Variants in CASC3 observed in about 807,000 individuals in gnomAD.
CASC3 encodes the protein CASC3 exon junction complex subunit.
A neutral mutation model predicts 80.5 loss-of-function variants in CASC3; 30 were observed. The observed-to-expected ratio is 0.37, with a 90% confidence interval of 0.28 to 0.51. The LOEUF is 0.51. Among genes scored for constraint, CASC3 ranks in the 20% least tolerant of loss-of-function variants. The probability of loss-of-function intolerance (pLI) is 0.94; values close to 1 mark genes in which losing one functional copy is unlikely to be tolerated. For synonymous variants in CASC3, 312 were observed against 333.6 expected (o/e 0.94, Z 0.70); for missense variants, 824 against 922.2 (o/e 0.89, Z 1.38).
chr17:40,165,219 G>A (rs1989419553), intron 7 of CASC3, among the ~76,000 whole-genome samples: 1 of 151,908 alleles, frequency 6.6e-6, no homozygotes, highest in South Asian at 2.1e-4. Context: ...CACCGTGCCT[G>A]GCCCACACCT....
chr17:40,163,769 T>G lies in CASC3; in HGVS notation c.1074T>G (p.Ser358=). 6.2e-7 allele frequency: 1 copy of G among 1,614,154 alleles called. No individual in the cohort carries two copies. The highest frequency in any genetic ancestry group is 1.3e-5 in the African/African-American group (1 of 75,046). The change falls in exon 7 of 14, where the codon TCT becomes TCG. Residue 358 remains serine, a synonymous_variant. Coordinates refer to ENST00000264645, the MANE Select transcript of CASC3 (RefSeq NM_007359.5). ...GGTCACGGCGCCTAGAGCAGACTTC[T>G]GTGAGGGATCCATCTCCAGAAGCAG... is the stretch of plus-strand genomic sequence containing the variant. ...SYRSRRLEQT[S]VRDPSPEADA... is the part of the protein sequence containing the mutation.
intron 3 of CASC3, among the ~76,000 whole-genome samples, chr17:40,143,993 T>C (rs530621098): frequency 6.6e-6 from 1 of 152,232 alleles, no homozygotes; most frequent in East Asian, 1.9e-4. Flanking sequence ...GGCTCACACC[T>C]GTAATCCCAG....
At chr17:40,150,954 A>G (rs926218416) in intron 3 of CASC3, among the ~76,000 whole-genome samples, 1 of 152,002 alleles carries the variant, frequency 6.6e-6, no homozygotes, top group Non-Finnish European at 1.5e-5. Flanking sequence ...TGGAGCTTGC[A>G]GTGAGCCGAG....
intron 2 of CASC3, 56 bp downstream of exon 2, chr17:40,141,290 G>A: frequency 6.8e-7 from 1 of 1,461,958 alleles, no homozygotes; most frequent in Middle Eastern, 1.8e-4. Context: ...ATAAACTCAG[G>A]TCATCTATTT....
chr17:40,169,825 G>A (rs1210376936), intron 13 of CASC3, among the ~76,000 whole-genome samples, 163 bp downstream of exon 13: 2 of 127,802 alleles, frequency 1.6e-5, no homozygotes, highest in South Asian at 2.5e-4. Flanking sequence ...GTGCAATCTC[G>A]GCTCACTGCA....
At chr17:40,142,825 C>T (rs888721863) in intron 3 of CASC3, among the ~76,000 whole-genome samples, 2 of 151,856 alleles carry the variant, frequency 1.3e-5, no homozygotes, top group Non-Finnish European at 2.9e-5. Flanking sequence ...GGTGTGAATC[C>T]GGGAGGCGGA....
intron 3 of CASC3, among the ~76,000 whole-genome samples, chr17:40,149,561 AG>A (rs111421826): frequency 6.6e-6 from 1 of 151,910 alleles, no homozygotes; most frequent in Non-Finnish European, 1.5e-5. Flanking sequence ...AAGAAAAGAA[AG>A]GGGGAAAAAA....
At position 40,171,031 on chromosome 17, in the gene CASC3, ATCCT is replaced by A. The variant is rs763434285; in HGVS notation, c.*627_*630del. The stretch of plus-strand genomic sequence containing the variant: ...CTTTCACTTTTAGTTGGCATTTGTT[ATCCT>A]CTTGTATACTTGTATTCCCTTAACT... On this transcript the variant is annotated 3_prime_UTR_variant, in exon 14 of 14. Coordinates refer to ENST00000264645, the MANE Select transcript of CASC3 (RefSeq NM_007359.5). 1.0e-6 allele frequency: 1 copy of A among 985,300 alleles called. No homozygotes were observed. Among genetic ancestry groups the A allele is most frequent in the Non-Finnish European group, 1.2e-6 (1 of 829,934 alleles). The allele number at this position is 985,300 out of a possible 1,614,324, so 61.0% of individuals were successfully genotyped here.
chr17:40,152,655 C>T (rs1232182883), intron 3 of CASC3, among the ~76,000 whole-genome samples: 1 of 151,820 alleles, frequency 6.6e-6, no homozygotes, highest in East Asian at 1.9e-4. Flanking sequence ...TTTGTAGAGG[C>T]AAAGAATCGC....
chr17:40,160,623 C>T (rs924354451), intron 3 of CASC3, among the ~76,000 whole-genome samples: 13 of 151,950 alleles, frequency 8.6e-5, no homozygotes, highest in South Asian at 4.1e-4. Flanking sequence ...TAGAGGCTGC[C>T]GCTGTTTTTT....
intron 3 of CASC3, among the ~76,000 whole-genome samples, chr17:40,147,352 A>G (rs553814563): frequency 9.6e-4 from 146 of 152,286 alleles, no homozygotes; most frequent in Non-Finnish European, 1.6e-3. Context: ...TAAGGAGTCA[A>G]AGGAGGCCAG....
chr17:40,146,753 T>A (rs887071936), intron 3 of CASC3, among the ~76,000 whole-genome samples: 6 of 152,094 alleles, frequency 3.9e-5, no homozygotes, highest in Admixed American at 1.3e-4. Context: ...TTTATTTTTT[T>A]AAAAATATTT....
chr17:40,143,833 A>G (rs1432429503), intron 3 of CASC3, among the ~76,000 whole-genome samples: 2 of 151,264 alleles, frequency 1.3e-5, no homozygotes, highest in East Asian at 3.9e-4. Flanking sequence ...CATCTCAAAA[A>G]AAAAGTATAT....
chr17:40,169,080 T>G, intron 11 of CASC3: 1 of 408,978 alleles, frequency 2.4e-6, no homozygotes, highest in East Asian at 4.2e-5. Flanking sequence ...CCTTTTCCAT[T>G]TGTCAGCTGA....
At chr17:40,164,430 A>ATTT (rs111608494) in intron 7 of CASC3, among the ~76,000 whole-genome samples, 3,256 of 145,298 alleles carry the variant, frequency 0.022, 135 homozygotes, top group African/African-American at 0.078. Flanking sequence ...CGCCCAGCTA[A>ATTT]TTTTTTTTTT....
At chr17:40,141,441 G>A in intron 2 of CASC3, 129 bp from the exon 3 acceptor site, 1 of 878,424 alleles carries the variant, frequency 1.1e-6, no homozygotes, top group Non-Finnish European at 1.9e-6. Flanking sequence ...TTTGTAAGTG[G>A]GGACTATAAT....
chr17:40,147,206 AGGAT>A (rs547901229), intron 3 of CASC3, among the ~76,000 whole-genome samples: 4 of 152,332 alleles, frequency 2.6e-5, no homozygotes, highest in African/African-American at 9.6e-5. Context: ...AGAGGTTGTT[AGGAT>A]AGTCCAAGGA....
chr17:40,148,773 T>C (rs1988922519), intron 3 of CASC3, among the ~76,000 whole-genome samples: 1 of 152,200 alleles, frequency 6.6e-6, no homozygotes, highest in Admixed American at 6.6e-5. Flanking sequence ...TCTCTCTGCT[T>C]TCTCCTGCGT....
At chr17:40,165,653 C>T (rs1243265087) in intron 7 of CASC3, among the ~76,000 whole-genome samples, 1 of 152,032 alleles carries the variant, frequency 6.6e-6, no homozygotes, top group Non-Finnish European at 1.5e-5. Flanking sequence ...GCAAGCCTCC[C>T]TTATTTCCTT....
Sources: gnomAD v4.1 joint callset for allele counts (sites outside exome capture counted in the v4.1 genomes callset) on GRCh38, gnomAD v4.1.1 for gene constraint, MANE v1.5 for transcripts, NCBI Gene and HGNC (gene_info 2026-07-23, HGNC 2026-07-21) for gene names.